NFYC: variants seen among roughly 807,000 people sequenced by gnomAD.
The protein encoded by NFYC is nuclear transcription factor Y subunit gamma.
NFYC carries 25 observed loss-of-function variants against 53.1 expected under a neutral mutation model. The observed-to-expected ratio is 0.47, with a 90% CI of 0.34 to 0.66. NFYC has a LOEUF of 0.66. Ranked by LOEUF, NFYC falls within the 30% of genes least tolerant of loss-of-function variation. The pLI is 0.01. For missense variants in NFYC, 260 were observed against 422.7 expected (o/e 0.62, Z 3.38); for synonymous variants, 145 against 152.6 (o/e 0.95, Z 0.37).
At chr1:40,752,012 T>A (rs987532076) in intron 4 of NFYC, among the ~76,000 whole-genome samples, 1 of 151,964 alleles carries the variant, frequency 6.6e-6, no homozygotes, top group South Asian at 2.1e-4. Flanking sequence ...AAAAAAAAAA[T>A]TTCCATCCTC....
intron 4 of NFYC, 115 bp from the exon 5 acceptor site, chr1:40,753,036 G>C (rs1646001975): frequency 1.5e-6 from 1 of 675,682 alleles, no homozygotes; most frequent in Non-Finnish European, 2.6e-6. Context: ...CTGTAGACTT[G>C]CCCGTAGGTG....
intron 1 of NFYC, among the ~76,000 whole-genome samples, chr1:40,719,470 C>T (rs1243932749): frequency 6.6e-6 from 1 of 152,192 alleles, no homozygotes; most frequent in African/African-American, 2.4e-5. Flanking sequence ...TTCCCATCAC[C>T]AGGCCCCCAG....
chr1:40,720,959 T>G (rs1022604288), intron 1 of NFYC, among the ~76,000 whole-genome samples: 2 of 152,192 alleles, frequency 1.3e-5, no homozygotes, highest in Non-Finnish European at 2.9e-5. Context: ...CAAGGCATAT[T>G]TGCCTTGAGG....
chr1:40,749,753 G>T, intron 4 of NFYC, 67 bp downstream of exon 4: 1 of 1,299,530 alleles, frequency 7.7e-7, no homozygotes, highest in Non-Finnish European at 1.1e-6. Flanking sequence ...TTCCTGCGTG[G>T]TGTTGGAGAA....
intron 1 of NFYC, among the ~76,000 whole-genome samples, chr1:40,715,421 TC>T (rs1475431155): frequency 1.3e-5 from 2 of 151,600 alleles, no homozygotes; most frequent in Non-Finnish European, 2.9e-5. Flanking sequence ...TTTTTTTTTT[TC>T]CTGTAGAAAT....
chr1:40,729,612 T>G (rs991288117), intron 1 of NFYC, among the ~76,000 whole-genome samples: 2 of 152,200 alleles, frequency 1.3e-5, no homozygotes, highest in Non-Finnish European at 2.9e-5. Context: ...TCAAGAACTT[T>G]TTCTTTGCAG....
chr1:40,707,930 CAGTT>C (rs1386459536), intron 1 of NFYC, among the ~76,000 whole-genome samples: 1 of 151,498 alleles, frequency 6.6e-6, no homozygotes, highest in Non-Finnish European at 1.5e-5. Flanking sequence ...CTAAATAAAT[CAGTT>C]AGTCCATCAA....
intron 5 of NFYC, chr1:40,754,480 A>G (rs766653035): frequency 9.5e-6 from 5 of 526,838 alleles, no homozygotes; most frequent in African/African-American, 3.9e-5. Context: ...GCTTTGAAAC[A>G]TTGCAGGTTT....
At chr1:40,734,217 C>T (rs185522238) in intron 1 of NFYC, among the ~76,000 whole-genome samples, 175 of 152,246 alleles carry the variant, frequency 1.1e-3, no homozygotes, top group Middle Eastern at 0.01. Flanking sequence ...CCCTTATTAT[C>T]CTAGAAGATG....
intron 1 of NFYC, among the ~76,000 whole-genome samples, chr1:40,722,751 C>G (rs184666384): frequency 1.3e-5 from 2 of 152,286 alleles, no homozygotes; most frequent in East Asian, 3.9e-4. Flanking sequence ...GATCACAGTT[C>G]GCCAGAGAGC....
chr1:40,692,114 C>T (rs1312167866), intron 1 of NFYC: 5 of 193,622 alleles, frequency 2.6e-5, no homozygotes, highest in Non-Finnish European at 5.6e-5. Flanking sequence ...CGGAAGGCGA[C>T]GGCGGGGGGG....
chr1:40,716,416 A>G lies in NFYC; in HGVS notation c.-8-22420A>G, dbSNP rs978537212. On this transcript the variant is annotated intron_variant, in intron 1 of 9. Coordinates refer to ENST00000447388, the MANE Select transcript of NFYC (RefSeq NM_014223.5). ...GGTTAAGGAGAGCAGTAAATGGTCA[A>G]CTGCTTAGAGCATAAGGAGATGAGT... 3.9e-5 allele frequency among the ~76,000 whole-genome samples: 6 copies of G among 152,222 alleles called. 1 individual carries two copies. The highest frequency in any genetic ancestry group is 9.6e-5 in the African/African-American group (4 of 41,458).
chr1:40,745,578 G>C (rs1557858060), intron 2 of NFYC, among the ~76,000 whole-genome samples: 1 of 151,954 alleles, frequency 6.6e-6, no homozygotes, highest in Non-Finnish European at 1.5e-5. Context: ...GTGATTTTTT[G>C]TCTCTCTCTC....
At chr1:40,699,401 C>T (rs1392533111) in intron 1 of NFYC, among the ~76,000 whole-genome samples, 1 of 152,156 alleles carries the variant, frequency 6.6e-6, no homozygotes, top group Non-Finnish European at 1.5e-5. Context: ...CTGGCATGAT[C>T]TGTTCCTTTT....
At chr1:40,736,856 G>A (rs1431917145) in intron 1 of NFYC, among the ~76,000 whole-genome samples, 1 of 149,464 alleles carries the variant, frequency 6.7e-6, no homozygotes, top group Non-Finnish European at 1.5e-5. Context: ...GCTGGGCGCG[G>A]TGGCTCACGC....
rs140437360 is a variant in NFYC at position 40,697,001 on chromosome 1, A to G, written c.-9+5134A>G. The stretch of plus-strand genomic sequence containing the variant: ...TTAAAACTTTGGCCAAAAAGTGCCT[A>G]TGGGAGAGGACAGTATTAGTTGCTG... On this transcript the variant is annotated intron_variant, in intron 1 of 9. Transcript: ENST00000447388. Among the ~76,000 whole-genome samples, 1,099 of 152,298 alleles carry G rather than the reference A, an allele frequency of 7.2e-3. 11 individuals are homozygous for G. Among genetic ancestry groups the G allele is most frequent in the Non-Finnish European group, 0.012 (822 of 68,026 alleles).
At chr1:40,711,940 T>C (rs901983541) in intron 1 of NFYC, among the ~76,000 whole-genome samples, 4 of 152,212 alleles carry the variant, frequency 2.6e-5, no homozygotes, top group African/African-American at 9.6e-5. Context: ...GCTTTGTAGG[T>C]TTGGGCAAGT....
chr1:40,734,672 T>C (rs541876352), intron 1 of NFYC, among the ~76,000 whole-genome samples: 44 of 152,280 alleles, frequency 2.9e-4, no homozygotes, highest in Non-Finnish European at 5.4e-4. Flanking sequence ...GCTTTATATA[T>C]ATAATATTAA....
intron 2 of NFYC, among the ~76,000 whole-genome samples, chr1:40,739,648 C>T (rs930563779): frequency 2.6e-5 from 4 of 152,140 alleles, no homozygotes; most frequent in African/African-American, 9.7e-5. Flanking sequence ...TAACCTCGGC[C>T]TGTGAGGAGC....
Sources: allele counts gnomAD v4.1 joint callset (sites outside exome capture counted in the v4.1 genomes callset), GRCh38; gene constraint gnomAD v4.1.1; transcripts MANE v1.5; gene names NCBI Gene and HGNC (gene_info 2026-07-23, HGNC 2026-07-21).